Variants in PRKCH observed in about 807,000 individuals in gnomAD.
PRKCH encodes protein kinase C eta type.
Under a neutral mutation model 82.5 loss-of-function variants are expected in PRKCH, and 28 were observed. The observed-to-expected ratio is 0.34, with a 90% confidence interval of 0.25 to 0.47. The LOEUF (loss-of-function observed/expected upper bound fraction) is 0.47. Ranked by LOEUF, PRKCH falls within the 20% of genes least tolerant of loss-of-function variation. PRKCH has a pLI of 1.00. For synonymous variants in PRKCH, 322 were observed against 327.4 expected (o/e 0.98, Z 0.18); for missense variants, 705 against 881.8 (o/e 0.80, Z 2.54).
chr14:61,510,282 G>A (rs1088682), intron 10 of PRKCH, among the ~76,000 whole-genome samples: 134,253 of 152,150 alleles, frequency 0.88, 59,260 homozygotes, highest in East Asian at 0.95. Context: ...AGAGACTAAC[G>A]GGAAATAAAT....
In PRKCH at chr14:61,207,628, T is replaced by TTTTGTAC. The variant is rs1379924890; in HGVS notation, c.-19+19960_-19+19961insTTTGTAC. On this transcript the variant is annotated intron_variant, in intron 1 of 3. Transcript: ENST00000555185. ...TAATAATTATGGATCCATTAAGAGC[T>TTTTGTAC]ACTATTTATTGGGTACCTAGTGTCT... 2.9e-3 allele frequency among the ~76,000 whole-genome samples: 439 copies of TTTTGTAC among 152,324 alleles called. 1 individual carries two copies. Among genetic ancestry groups the TTTTGTAC allele is most frequent in the African/African-American group, 0.01 (424 of 41,542 alleles).
Position 61,457,264 on chromosome 14 carries a change from T to C in PRKCH, c.1049T>C (p.Leu350Pro). 1 of 1,614,216 alleles carries C rather than the reference T, an allele frequency of 6.2e-7. No individual in the cohort carries two copies. Among genetic ancestry groups the C allele is most frequent in the East Asian group, 2.2e-5 (1 of 44,878 alleles). ...ATTGGGGTTAATTCTTCCAACCGAC[T>C]TGGTATCGACAACTTTGAGTTCATC... is the stretch of plus-strand genomic sequence containing the variant. ...NGIGVNSSNR[L>P]GIDNFEFIRV... The change falls in exon 8 of 14, where the codon CTT becomes CCT. Residue 350 changes from leucine to proline, a missense_variant. Coordinates refer to ENST00000332981, the MANE Select transcript of PRKCH (RefSeq NM_006255.5).
intron 1 of PRKCH, among the ~76,000 whole-genome samples, chr14:61,268,582 C>T (rs1213990197): frequency 6.6e-6 from 1 of 152,080 alleles, no homozygotes; most frequent in Non-Finnish European, 1.5e-5. Flanking sequence ...GCAGAAGAAT[C>T]ACTTGAACCC....
intron 9 of PRKCH, among the ~76,000 whole-genome samples, chr14:61,458,325 A>C (rs1195186516): frequency 6.6e-6 from 1 of 152,242 alleles, no homozygotes. Context: ...CATTAGTACA[A>C]ACTTTTTACT....
chr14:61,325,564 T>G (rs2045684208), intron 1 of PRKCH, among the ~76,000 whole-genome samples: 1 of 152,138 alleles, frequency 6.6e-6, no homozygotes, highest in African/African-American at 2.4e-5. Context: ...AGCAAAAAAT[T>G]TTTAGATAGC....
intron 1 of PRKCH, among the ~76,000 whole-genome samples, chr14:61,255,367 C>A (rs991934022): frequency 1.2e-4 from 18 of 152,156 alleles, no homozygotes; most frequent in African/African-American, 4.3e-4. Flanking sequence ...TGTGAGACTC[C>A]CCAGAGAGGT....
chr14:61,521,974 G>C (rs1205848575), intron 10 of PRKCH, among the ~76,000 whole-genome samples: 1 of 152,048 alleles, frequency 6.6e-6, no homozygotes, highest in East Asian at 1.9e-4. Flanking sequence ...CCACACCCAG[G>C]TAATGACTCT....
chr14:61,394,436 A>G (rs1052538535), intron 2 of PRKCH, among the ~76,000 whole-genome samples: 4 of 152,228 alleles, frequency 2.6e-5, no homozygotes, highest in African/African-American at 7.2e-5. Context: ...CATTCTCATC[A>G]TGCACGTAGA....
intron 10 of PRKCH, among the ~76,000 whole-genome samples, chr14:61,507,073 C>T (rs1213381901): frequency 6.6e-6 from 1 of 152,116 alleles, no homozygotes; most frequent in African/African-American, 2.4e-5. Context: ...ATATAAGCAA[C>T]TTATACAACC....
At chr14:61,353,928 C>T (rs953823018) in intron 1 of PRKCH, 2 of 151,928 alleles carry the variant, frequency 1.3e-5, no homozygotes, top group Non-Finnish European at 2.9e-5. Context: ...CAGAGTGAGA[C>T]CCTACCTCTG....
chr14:61,526,786 G>A (rs1352241767), intron 10 of PRKCH, among the ~76,000 whole-genome samples: 3 of 152,254 alleles, frequency 2.0e-5, no homozygotes, highest in East Asian at 1.9e-4. Flanking sequence ...ACGCCACAGC[G>A]AGGGGGGCTC....
rs112829436 is a variant in PRKCH, at chr14:61,449,316, C to T, written c.702+64C>T. The T allele has an allele frequency of 1.6e-4, 216 of 1,373,514 alleles. 2 individuals carry two copies. In the African/African-American group the frequency reaches 2.7e-3, roughly 17 times the overall value. The allele number at this position is 1,373,514 out of a possible 1,614,324, so 85.1% of individuals were successfully genotyped here. A position where few individuals can be genotyped will look rare whatever the true frequency, so the allele number is the denominator to read the frequency against. Reference sequence around the variant, plus strand: ...TATTGTGTATGCTGTGTACCGCCGTCTCTCTCCCTCCCTCCCTCCTTTCCT... The same window carrying T: ...TATTGTGTATGCTGTGTACCGCCGTTTCTCTCCCTCCCTCCCTCCTTTCCT... On this transcript the variant is annotated intron_variant, in intron 5 of 13. Transcript: ENST00000332981.
rs374326533 is a variant in PRKCH at position 61,359,461 on chromosome 14, A to G, written c.364-31764A>G. On this transcript the variant is annotated intron_variant, in intron 1 of 13. Coordinates refer to ENST00000332981, the MANE Select transcript of PRKCH (RefSeq NM_006255.5). The stretch of plus-strand genomic sequence containing the variant: ...CCAGAGAACATTTTCATATTTTAGA[A>G]CTTATGGTAATGTTAACACTTTCTA... 2.2e-4 allele frequency among the ~76,000 whole-genome samples: 33 copies of G among 152,302 alleles called. No individual in the cohort carries two copies. The East Asian group carries it at 6.2e-3, about 28-fold the overall frequency.
chr14:61,355,752 C>T (rs2046139319), intron 1 of PRKCH, among the ~76,000 whole-genome samples: 1 of 152,164 alleles, frequency 6.6e-6, no homozygotes, highest in Admixed American at 6.5e-5. Flanking sequence ...CTATTCAGGG[C>T]CAACTTTGTT....
chr14:61,400,833 A>G (rs554026984), intron 2 of PRKCH, among the ~76,000 whole-genome samples: 2 of 152,330 alleles, frequency 1.3e-5, no homozygotes, highest in African/African-American at 4.8e-5. Context: ...GCAAATGGTG[A>G]ACCAGACTCA....
chr14:61,263,865 G>A (rs893381043), intron 1 of PRKCH, among the ~76,000 whole-genome samples: 28 of 47,986 alleles, frequency 5.8e-4, no homozygotes, highest in Non-Finnish European at 1.4e-3. Context: ...GTGTGTGTGT[G>A]TGTGTGTGTG....
At chr14:61,377,633 G>A (rs1379478439) in intron 1 of PRKCH, among the ~76,000 whole-genome samples, 4 of 152,168 alleles carry the variant, frequency 2.6e-5, no homozygotes, top group South Asian at 2.1e-4. Flanking sequence ...GGTTGTGACT[G>A]TGTTTCAGTA....
At chr14:61,468,960 G>A (rs1450246092) in intron 9 of PRKCH, among the ~76,000 whole-genome samples, 1 of 152,140 alleles carries the variant, frequency 6.6e-6, no homozygotes, top group Non-Finnish European at 1.5e-5. Flanking sequence ...GGCTTCAGTA[G>A]GGCCCTGTAT....
At chr14:61,188,918 C>G (rs186557943) in intron 1 of PRKCH, among the ~76,000 whole-genome samples, 168 of 152,182 alleles carry the variant, frequency 1.1e-3, no homozygotes, top group African/African-American at 3.9e-3. Flanking sequence ...CGGGATTTCA[C>G]CATGTTGATC....
Sources: gnomAD v4.1 joint callset for allele counts (sites outside exome capture counted in the v4.1 genomes callset) on GRCh38, gnomAD v4.1.1 for gene constraint, MANE v1.5 for transcripts, NCBI Gene and HGNC (gene_info 2026-07-23, HGNC 2026-07-21) for gene names.